The following GCFC2 variants were observed in gnomAD, a reference collection of about 807,000 sequenced individuals.
GCFC2 encodes intron Large complex component GCFC2.
A neutral mutation model predicts 99.4 loss-of-function variants in GCFC2; 102 were observed. The observed-to-expected ratio is 1.03, with a 90% CI of 0.87 to 1.21. The LOEUF is 1.21. Ranked by LOEUF, GCFC2 falls within the 50% of genes most tolerant of loss-of-function variation. GCFC2 has a pLI of 0.00. For synonymous variants in GCFC2, 338 were observed against 316.8 expected (o/e 1.07, Z -0.71); for missense variants, 973 against 920.9 (o/e 1.06, Z -0.73).
At chr2:75,668,186 G>T (rs1419466833) in intron 15 of GCFC2, among the ~76,000 whole-genome samples, 1 of 151,794 alleles carries the variant, frequency 6.6e-6, no homozygotes. Flanking sequence ...TTTGTACCAG[G>T]GCCCACTTAA....
chr2:75,697,071 C>T (rs1397126554), intron 4 of GCFC2, among the ~76,000 whole-genome samples: 1 of 152,214 alleles, frequency 6.6e-6, no homozygotes, highest in African/African-American at 2.4e-5. Flanking sequence ...CAGGCATGAG[C>T]CACCACGCCC....
intron 6 of GCFC2, among the ~76,000 whole-genome samples, chr2:75,692,923 G>A (rs1167242882): frequency 6.6e-6 from 1 of 152,104 alleles, no homozygotes; most frequent in African/African-American, 2.4e-5. Context: ...ATTTTGGGGA[G>A]CAACAATTCC....
chr2:75,708,809 C>T (rs190281207), intron 1 of GCFC2, among the ~76,000 whole-genome samples: 5 of 151,914 alleles, frequency 3.3e-5, no homozygotes, highest in African/African-American at 4.8e-5. Context: ...GTGCCCGGCC[C>T]GCAACTAACT....
chr2:75,670,046 C>T, intron 15 of GCFC2, 92 bp downstream of exon 15: 1 of 814,184 alleles, frequency 1.2e-6, no homozygotes, highest in Non-Finnish European at 2.0e-6. Flanking sequence ...ATATGAGTAC[C>T]ACACATTTAA....
intron 5 of GCFC2, among the ~76,000 whole-genome samples, chr2:75,694,674 G>A (rs1558746431): frequency 6.6e-6 from 1 of 152,102 alleles, no homozygotes; most frequent in Non-Finnish European, 1.5e-5. Context: ...AAAGGAGAGT[G>A]AGAATTAAGA....
Position 75,689,067 on chromosome 2 carries a change from G to T in GCFC2, c.1498C>A (p.Pro500Thr), listed in dbSNP as rs148728322. ...ISLCIPKLLN[P>T]LIRVQLIDWN... The stretch of plus-strand genomic sequence containing the variant: ...TCAATCAACTGAACTCGTATTAGGG[G>T]ATTTAAAAGCTTTGGTATGCATAAA... The change falls in exon 10 of 17, where the codon CCC (proline) becomes ACC (threonine). Residue 500 changes from proline (P) to threonine (T), a missense_variant. By Grantham distance (38) the Pro-to-Thr change is conservative. Transcript: ENST00000321027. 6.8e-5 allele frequency: 109 copies of T among 1,594,844 alleles called. No individual in the cohort carries two copies. The African/African-American group carries it at 1.4e-3, about 21-fold the overall frequency.
chr2:75,673,618 C>A, intron 12 of GCFC2, 98 bp from the exon 13 acceptor site: 1 of 647,056 alleles, frequency 1.5e-6, no homozygotes, highest in East Asian at 2.7e-5. Flanking sequence ...TATCCACACT[C>A]ACATAACCAG....
intron 11 of GCFC2, among the ~76,000 whole-genome samples, chr2:75,685,922 T>C (rs1248804659): frequency 1.3e-5 from 2 of 152,210 alleles, no homozygotes; most frequent in Non-Finnish European, 1.5e-5. Context: ...GTCCTTCCAG[T>C]TGCTCAGGCC....
rs761551666 is a variant in GCFC2, at chr2:75,670,141, G to A, written c.2100C>T (p.Asn700=). The A allele has an allele frequency of 1.0e-5, 16 of 1,594,666 alleles. No individual in the cohort carries two copies. In the South Asian group the frequency reaches 1.5e-4, roughly 14 times the overall value. Residue 700 remains asparagine, a synonymous_variant, in exon 15 of 17, where the codon AAC becomes AAT. Transcript: ENST00000321027. The part of the protein sequence containing the change: ...TPGPDVVKKC[N]QVAACLPEKW... ...TCAGTCTTCCTTCACAACTTACCTG[G>A]TTGCACTTTTTAACCACATCTGGCC...
chr2:75,689,062 T>C lies in GCFC2; in HGVS notation c.1503A>G (p.Leu501=), dbSNP rs138405028. 195 of 1,593,436 alleles carry C rather than the reference T, an allele frequency of 1.2e-4. No homozygotes were observed. The African/African-American group carries it at 2.0e-3, about 16-fold the overall frequency. ...TCCAATCAATCAACTGAACTCGTAT[T>C]AGGGGATTTAAAAGCTTTGGTATGC... The part of the protein sequence containing the change: ...SLCIPKLLNP[L]IRVQLIDWNP... Residue 501 remains leucine (L), a synonymous_variant, in exon 10 of 17, where the codon CTA becomes CTG. Transcript: ENST00000321027.
At chr2:75,712,900 C>T (rs756692510), upstream of GCFC2, among the ~76,000 whole-genome samples, 15 of 152,122 alleles carry the variant, frequency 9.9e-5, no homozygotes, top group Non-Finnish European at 1.5e-4. Flanking sequence ...TTGAAATCAG[C>T]CATAAAGGGA....
chr2:75,711,058 C>T, upstream of GCFC2: 3 of 1,316,414 alleles, frequency 2.3e-6, no homozygotes, highest in Non-Finnish European at 2.9e-6. Flanking sequence ...TGTTCTGGGG[C>T]CTGAGTTTGC....
chr2:75,696,159 T>C (rs769540216), intron 5 of GCFC2, 41 bp downstream of exon 5: 1 of 774,676 alleles, frequency 1.3e-6, no homozygotes, highest in Admixed American at 1.9e-5. Flanking sequence ...TAGTATTAAA[T>C]ATCTAGGACA....
intron 12 of GCFC2, among the ~76,000 whole-genome samples, chr2:75,674,532 G>A (rs189288274): frequency 1.3e-5 from 2 of 152,028 alleles, no homozygotes; most frequent in East Asian, 3.9e-4. Context: ...AATATCCTAC[G>A]ATGGTATTAA....
At chr2:75,684,531 G>A (rs1385931582) in intron 11 of GCFC2, among the ~76,000 whole-genome samples, 1 of 152,188 alleles carries the variant, frequency 6.6e-6, no homozygotes, top group African/African-American at 2.4e-5. Context: ...AAGCAGGAAA[G>A]ATCTAAAATC....
At chr2:75,701,715 A>G (rs1680599890) in intron 3 of GCFC2, 1 of 262,568 alleles carries the variant, frequency 3.8e-6, no homozygotes. Context: ...TGAAAAAAAT[A>G]TTATTTAAAG....
chr2:75,679,612 C>G (rs1004891363), intron 12 of GCFC2, among the ~76,000 whole-genome samples: 2 of 152,160 alleles, frequency 1.3e-5, no homozygotes, highest in Non-Finnish European at 2.9e-5. Flanking sequence ...CTACAAATAA[C>G]TAGTTAATAC....
Position 75,669,961 on chromosome 2 carries a change from G to A in GCFC2, c.2103+177C>T, listed in dbSNP as rs554819711. 6 of 432,216 alleles carry A rather than the reference G, an allele frequency of 1.4e-5. No individual in the cohort carries two copies. In the East Asian group the frequency reaches 1.9e-4, roughly 14 times the overall value. 26.8% of individuals were successfully genotyped at this position (432,216 alleles called of 1,614,324 possible). A position where few individuals can be genotyped will look rare whatever the true frequency, so the allele number is the denominator to read the frequency against. On this transcript the variant is annotated intron_variant, in intron 15 of 16. Transcript: ENST00000321027. The stretch of plus-strand genomic sequence containing the variant: ...GCTGGTCTCAAACTCCTGACCTCAC[G>A]CAATCCGCCTGCCTCAGCCTCCCAA...
intron 16 of GCFC2, among the ~76,000 whole-genome samples, chr2:75,665,210 G>A (rs569797546): frequency 6.6e-6 from 1 of 151,920 alleles, no homozygotes; most frequent in South Asian, 2.1e-4. Context: ...GGAGTACAGT[G>A]GCACAATCAT....
Sources: gnomAD v4.1 joint callset for allele counts (sites outside exome capture counted in the v4.1 genomes callset) on GRCh38, gnomAD v4.1.1 for gene constraint, MANE v1.5 for transcripts, NCBI Gene and HGNC (gene_info 2026-07-23, HGNC 2026-07-21) for gene names.